Variants in CA1 observed in about 807,000 individuals in gnomAD.
CA1 encodes carbonate dehydratase I.
Under a neutral mutation model 28.8 loss-of-function variants are expected in CA1, and 27 were observed. The ratio of observed to expected loss-of-function variants is 0.94; its 90% confidence interval spans 0.69 to 1.29. The LOEUF is 1.29. Ranked by LOEUF, CA1 falls within the 50% of genes most tolerant of loss-of-function variation. CA1 has a pLI of 0.00. For missense variants in CA1, 335 were observed against 310.5 expected (o/e 1.08, Z -0.59); for synonymous variants, 121 against 108.8 (o/e 1.11, Z -0.70).
chr8:85,350,937 C>A lies in CA1; in HGVS notation c.-24-9278G>T, dbSNP rs1050655681. 4.1e-4 allele frequency among the ~76,000 whole-genome samples: 63 copies of A among 152,272 alleles called. 1 individual carries two copies. The highest frequency in any genetic ancestry group is 9.1e-4 in the Non-Finnish European group (62 of 68,024). ...AGGGGTGCTTGCTAGCCAGGGTTCACGTTCGATGTTCTTACAATGCGATCT... is the reference window on the plus strand; with the variant it reads ...AGGGGTGCTTGCTAGCCAGGGTTCAAGTTCGATGTTCTTACAATGCGATCT... On this transcript the variant is annotated intron_variant, in intron 1 of 7. Coordinates refer to ENST00000523022, the MANE Select transcript of CA1 (RefSeq NM_001128831.4).
chr8:85,340,718 C>T (rs1178942218), intron 2 of CA1, among the ~76,000 whole-genome samples: 1 of 152,168 alleles, frequency 6.6e-6, no homozygotes, highest in African/African-American at 2.4e-5. Context: ...GTCAAGTTAT[C>T]AACATTAACA....
At chr8:85,353,404 A>G (rs1307653171) in intron 1 of CA1, among the ~76,000 whole-genome samples, 2 of 152,240 alleles carry the variant, frequency 1.3e-5, no homozygotes, top group Non-Finnish European at 2.9e-5. Flanking sequence ...GTCCCAGAGA[A>G]AACCAAAGTT....
At chr8:85,341,785 C>T in intron 1 of CA1, 126 bp from the exon 2 acceptor site, 1 of 639,702 alleles carries the variant, frequency 1.6e-6, no homozygotes. Context: ...TTCATCATCT[C>T]TGCTTATCAG....
chr8:85,368,172 A>T (rs1336503282), intron 1 of CA1, among the ~76,000 whole-genome samples: 11 of 151,382 alleles, frequency 7.3e-5, no homozygotes, highest in South Asian at 2.1e-4. Flanking sequence ...TAATAATAAT[A>T]ATTATTATTA....
rs776661700 is a variant in CA1 at position 85,329,786 on chromosome 8, TC to T, written c.571del (p.Asp191IlefsTer9). The T allele has an allele frequency of 6.2e-7, 1 of 1,604,458 alleles. No individual in the cohort carries two copies. Among genetic ancestry groups the T allele is most frequent in the East Asian group, 2.2e-5 (1 of 44,532 alleles). On this transcript the variant is annotated frameshift_variant, in exon 7 of 8. Transcript: ENST00000523022. LOFTEE classifies it high-confidence loss of function. ...CAGAGAGCCAGGGTAGGTCCAGAAA[TC>T]CAGGGATGAAGGAAGGAGAGTAGAG... ...DPSTLLPSSL[D>X]FWTYPGSLTH...
At chr8:85,344,299 TATAATTATATATTATACAGTATATA>T (rs1300617417) in intron 1 of CA1, among the ~76,000 whole-genome samples, 2 of 51,440 alleles carry the variant, frequency 3.9e-5, no homozygotes, top group African/African-American at 1.3e-4. Context: ...CAGTATATAA[TATAATTATATATTATACAGTATATA>T]ATATATAATT....
At chr8:85,368,073 A>T (rs1810077881) in intron 1 of CA1, among the ~76,000 whole-genome samples, 1 of 152,030 alleles carries the variant, frequency 6.6e-6, no homozygotes, top group Non-Finnish European at 1.5e-5. Flanking sequence ...GACAATAAAT[A>T]AAAACAAAAT....
chr8:85,366,086 G>A (rs545318310), intron 1 of CA1, among the ~76,000 whole-genome samples: 163 of 152,122 alleles, frequency 1.1e-3, no homozygotes, highest in African/African-American at 3.4e-3. Context: ...GCCCTGGAGA[G>A]GAACTGCAAC....
At chr8:85,354,113 G>A (rs1328742959) in intron 1 of CA1, among the ~76,000 whole-genome samples, 3 of 150,882 alleles carry the variant, frequency 2.0e-5, no homozygotes. Flanking sequence ...ACAGGCCTGT[G>A]CCACCACACC....
At chr8:85,348,642 T>G (rs142716165) in intron 1 of CA1, among the ~76,000 whole-genome samples, 2 of 152,346 alleles carry the variant, frequency 1.3e-5, no homozygotes, top group Non-Finnish European at 2.9e-5. Flanking sequence ...ACAACGTTCC[T>G]TTAGTCTCTA....
chr8:85,356,276 G>C (rs555971596), intron 1 of CA1, among the ~76,000 whole-genome samples: 1 of 152,184 alleles, frequency 6.6e-6, no homozygotes, highest in South Asian at 2.1e-4. Flanking sequence ...TTGAGCTTCA[G>C]TTTTTTTGTT....
chr8:85,332,986 T>C (rs1808474214), intron 5 of CA1, among the ~76,000 whole-genome samples: 1 of 152,158 alleles, frequency 6.6e-6, no homozygotes, highest in Admixed American at 6.6e-5. Flanking sequence ...GCATACCCAA[T>C]TTAATAATAA....
chr8:85,350,999 A>ACAGT (rs2130285796), intron 1 of CA1, among the ~76,000 whole-genome samples: 1 of 152,292 alleles, frequency 6.6e-6, no homozygotes, highest in African/African-American at 2.4e-5. Context: ...GAGTCCTCAT[A>ACAGT]CAGTCCCCTG....
At chr8:85,338,612 T>C (rs1264756677) in intron 2 of CA1, among the ~76,000 whole-genome samples, 163 bp from the exon 3 acceptor site, 2 of 151,338 alleles carry the variant, frequency 1.3e-5, no homozygotes, top group Non-Finnish European at 2.9e-5. Context: ...GATGTCCCTT[T>C]TCTTTCTTTC....
At chr8:85,373,165 A>AC (rs1237310587) in intron 1 of CA1, among the ~76,000 whole-genome samples, 2 of 152,218 alleles carry the variant, frequency 1.3e-5, no homozygotes, top group Non-Finnish European at 2.9e-5. Flanking sequence ...CTCAAACTGT[A>AC]AAAGTTACAG....
At chr8:85,359,905 A>G (rs115357995) in intron 1 of CA1, among the ~76,000 whole-genome samples, 181 of 152,338 alleles carry the variant, frequency 1.2e-3, no homozygotes, top group African/African-American at 4.2e-3. Context: ...GGTATTGTGT[A>G]TGATTTACCA....
At chr8:85,352,790 C>T (rs1392384517) in intron 1 of CA1, among the ~76,000 whole-genome samples, 4 of 151,974 alleles carry the variant, frequency 2.6e-5, no homozygotes, top group Non-Finnish European at 5.9e-5. Flanking sequence ...CCTCAGCCTG[C>T]AAGTAGCTGG....
intron 1 of CA1, among the ~76,000 whole-genome samples, chr8:85,367,062 A>G (rs943325206): frequency 1.3e-5 from 2 of 152,014 alleles, no homozygotes; most frequent in Non-Finnish European, 2.9e-5. Context: ...AGATTTTGAG[A>G]TATTAATCTG....
intron 3 of CA1, among the ~76,000 whole-genome samples, chr8:85,337,507 A>G (rs1468145005): frequency 1.3e-5 from 2 of 152,194 alleles, no homozygotes; most frequent in Non-Finnish European, 1.5e-5. Flanking sequence ...ATGAAGACAC[A>G]AAAGTATATC....
Sources: gnomAD v4.1 joint callset for allele counts (sites outside exome capture counted in the v4.1 genomes callset) on GRCh38, gnomAD v4.1.1 for gene constraint, MANE v1.5 for transcripts, NCBI Gene and HGNC (gene_info 2026-07-23, HGNC 2026-07-21) for gene names.